Variants in KIF5A observed in about 807,000 individuals in gnomAD.
KIF5A encodes kinesin family member 5A, also known as kinesin heavy chain isoform 5A.
In KIF5A, 35 loss-of-function variants were observed where a neutral mutation model predicts 141.3. The ratio of observed to expected loss-of-function variants is 0.25; its 90% confidence interval spans 0.19 to 0.33. The LOEUF is 0.33. Among genes scored for constraint, KIF5A ranks in the 10% least tolerant of loss-of-function variants. KIF5A has a pLI of 1.00. For missense variants in KIF5A, 861 were observed against 1,314.3 expected, an observed-to-expected ratio of 0.66 and a Z score of 5.33; for synonymous variants, 448 against 500.2, an observed-to-expected ratio of 0.90 and a Z score of 1.39.
Position 57,572,508 on chromosome 12 carries a change from A to C in KIF5A, c.1570-72A>C. On this transcript the variant is annotated intron_variant, in intron 14 of 28. Coordinates refer to ENST00000455537, the MANE Select transcript of KIF5A (RefSeq NM_004984.4). The surrounding 1 kb of genome is among the most constrained non-coding windows in gnomAD (Gnocchi z 4.2). Reference sequence around the variant, plus strand: ...AGCCCTCAGGGTCTTGCATGAAGGGAGAGGCCTCTGCCTGGGCTGGGCAAG... The same window carrying C: ...AGCCCTCAGGGTCTTGCATGAAGGGCGAGGCCTCTGCCTGGGCTGGGCAAG... The C allele has an allele frequency of 6.3e-7, 1 of 1,594,306 alleles. No individual in the cohort carries two copies. The highest frequency in any genetic ancestry group is 8.6e-7 in the Non-Finnish European group (1 of 1,164,792).
intron 13 of KIF5A, 103 bp downstream of exon 13, chr12:57,571,492 G>C: frequency 8.5e-7 from 1 of 1,170,054 alleles, no homozygotes; most frequent in South Asian, 1.3e-5. Flanking sequence ...GGCGCTTTCT[G>C]CTTGGGGATT....
At position 57,572,665 on chromosome 12, in the gene KIF5A, AC is replaced by A; in HGVS notation, c.1656del (p.Asn552LysfsTer3). 1 of 1,614,230 alleles carries A rather than the reference AC, an allele frequency of 6.2e-7. No individual in the cohort carries two copies. The highest frequency in any genetic ancestry group is 8.5e-7 in the Non-Finnish European group (1 of 1,180,038). On this transcript the variant is annotated frameshift_variant, in exon 15 of 29. Transcript: ENST00000455537. LOFTEE classifies it high-confidence loss of function. The surrounding 1 kb of genome is among the most constrained non-coding windows in gnomAD (Gnocchi z 4.2). ...HQRKRIAEVL[N>X]GLMKDLSEFS... is the part of the protein sequence containing the mutation. ...CGAAAACGAATTGCTGAGGTGCTGAACGGGCTGATGAAGGATCTGAGCGAGT... is the reference window on the plus strand; with the variant it reads ...CGAAAACGAATTGCTGAGGTGCTGAAGGGCTGATGAAGGATCTGAGCGAGT...
At chr12:57,567,418 G>A (rs1882099006) in intron 7 of KIF5A, 76 bp from the exon 8 acceptor site, 2 of 1,585,500 alleles carry the variant, frequency 1.3e-6, no homozygotes, top group African/African-American at 1.3e-5. Flanking sequence ...GCGGGGCTGG[G>A]GTCAGTGGAA....
At chr12:57,565,749 C>T (rs1186100482) in intron 6 of KIF5A, among the ~76,000 whole-genome samples, 2 of 150,840 alleles carry the variant, frequency 1.3e-5, no homozygotes, top group African/African-American at 2.4e-5. Context: ...GTCAGGCTCC[C>T]GAGTAGCTGG....
intron 27 of KIF5A, 109 bp from the exon 28 acceptor site, chr12:57,582,992 A>G: frequency 2.2e-6 from 2 of 892,784 alleles, no homozygotes; most frequent in South Asian, 1.4e-5. Flanking sequence ...AAACACAAAT[A>G]GTCCCTGCCG....
rs1882700632 is a variant in KIF5A, at chr12:57,584,519, G to A, written c.*338G>A. 1.3e-5 allele frequency: 2 copies of A among 152,662 alleles called. No homozygotes were observed. The highest frequency in any genetic ancestry group is 4.1e-4 in the South Asian group (2 of 4,832). The allele number at this position is 152,662 out of a possible 1,614,324, so 9.5% of individuals were successfully genotyped here. ...TTCTCATCTACTCGTCTCACACTGA[G>A]TGGTGTTAGTCACTGAGTAGAGGTC... On this transcript the variant is annotated 3_prime_UTR_variant, in exon 29 of 29. Transcript: ENST00000455537.
rs1158874249 is a variant in KIF5A at position 57,550,802 on chromosome 12, A to C, written c.129+402A>C. On this transcript the variant is annotated intron_variant, in intron 1 of 28. Coordinates refer to ENST00000455537, the MANE Select transcript of KIF5A (RefSeq NM_004984.4). This position sits in a 1 kb window ranked among gnomAD's most constrained non-coding sequence, Gnocchi z 4.6. ...CCCACCTCCCGGAAGGTAAGGCGGAAGACTTTTGGGTGGATTAGATGGGAG... is the reference window on the plus strand; with the variant it reads ...CCCACCTCCCGGAAGGTAAGGCGGACGACTTTTGGGTGGATTAGATGGGAG... Among the ~76,000 whole-genome samples, 2 of 152,174 alleles carry C rather than the reference A, an allele frequency of 1.3e-5. No individual in the cohort carries two copies. The highest frequency in any genetic ancestry group is 2.9e-5 in the Non-Finnish European group (2 of 68,022).
At position 57,571,398 on chromosome 12, in the gene KIF5A, A is replaced by T. The variant is rs1293931298; in HGVS notation, c.1362+9A>T. ...TGCTGGACCAGGAAGAGGTAATAGG[A>T]GGGAGGGCAGGACATGAGAGGAAAG... On this transcript the variant is annotated intron_variant, in intron 13 of 28. Transcript: ENST00000455537. 9 of 1,613,300 alleles carry T rather than the reference A, an allele frequency of 5.6e-6. No homozygotes were observed.
intron 1 of KIF5A, among the ~76,000 whole-genome samples, chr12:57,556,057 C>T (rs766201922): frequency 6.6e-6 from 1 of 152,012 alleles, no homozygotes; most frequent in African/African-American, 2.4e-5. Context: ...GCAGGCCTTC[C>T]CAGAACTCCT....
intron 1 of KIF5A, among the ~76,000 whole-genome samples, chr12:57,557,514 A>G (rs1881782078): frequency 6.6e-6 from 1 of 152,120 alleles, no homozygotes; most frequent in African/African-American, 2.4e-5. Flanking sequence ...TTACCACCCC[A>G]AAGAAGCACT....
At chr12:57,566,485 A>C (rs1288179869) in intron 6 of KIF5A, among the ~76,000 whole-genome samples, 1 of 150,078 alleles carries the variant, frequency 6.7e-6, no homozygotes, top group East Asian at 2.0e-4. Flanking sequence ...ATCTTGGCTT[A>C]CTGCAACCTC....
chr12:57,567,430 C>T (rs1882099563), intron 7 of KIF5A, 64 bp from the exon 8 acceptor site: 1 of 1,601,900 alleles, frequency 6.2e-7, no homozygotes, highest in African/African-American at 1.3e-5. Flanking sequence ...TCAGTGGAAG[C>T]CGGGGGCTGA....
intron 23 of KIF5A, among the ~76,000 whole-genome samples, chr12:57,579,849 C>G (rs747892861): frequency 6.6e-6 from 1 of 152,172 alleles, no homozygotes; most frequent in South Asian, 2.1e-4. Flanking sequence ...CACAACCACA[C>G]ACTGTTTCCT....
intron 1 of KIF5A, among the ~76,000 whole-genome samples, chr12:57,555,908 C>CAAAAAAAAAAAAAAAAAAAAAA (rs763843453): frequency 1.1e-5 from 1 of 92,314 alleles, no homozygotes; most frequent in African/African-American, 4.2e-5. Flanking sequence ...AACTCTATCT[C>CAAAAAAAAAAAAAAAAAAAAAA]AAAAAAAAAA....
At chr12:57,578,824 G>A (rs976781909) in intron 23 of KIF5A, among the ~76,000 whole-genome samples, 1 of 152,148 alleles carries the variant, frequency 6.6e-6, no homozygotes, top group African/African-American at 2.4e-5. Context: ...AGCGCTTCAG[G>A]AAGCCGAGGC....
At chr12:57,574,888 T>C (rs1448404555) in intron 15 of KIF5A, among the ~76,000 whole-genome samples, 196 bp from the exon 16 acceptor site, 3 of 152,110 alleles carry the variant, frequency 2.0e-5, no homozygotes, top group Non-Finnish European at 2.9e-5. Flanking sequence ...CCAGCCAGAA[T>C]TGGATTTTTA....
intron 1 of KIF5A, among the ~76,000 whole-genome samples, chr12:57,556,650 G>A (rs965114467): frequency 6.6e-6 from 1 of 151,440 alleles, no homozygotes; most frequent in South Asian, 2.1e-4. Context: ...GAGTGTGTGT[G>A]GGGGCTGGGG....
chr12:57,557,328 G>T (rs958904098), intron 1 of KIF5A, among the ~76,000 whole-genome samples: 3 of 151,870 alleles, frequency 2.0e-5, no homozygotes, highest in African/African-American at 7.3e-5. Context: ...TGGCCACTGG[G>T]TGGGAGAAAC....
chr12:57,581,464 C>T lies in KIF5A; in HGVS notation c.2805C>T (p.Pro935=). The change falls in exon 25 of 29, where the codon CCC becomes CCT. Residue 935 remains proline (P), a synonymous_variant. Transcript: ENST00000455537. ...GHYPASSPTN[P]YGTRSPECIS... is the part of the protein sequence containing the mutation. ...ACCCAGCATCCTCACCCACCAACCCCTATGGCACCCGGAGCCCTGAGTGCA... is the reference window on the plus strand; with the variant it reads ...ACCCAGCATCCTCACCCACCAACCCTTATGGCACCCGGAGCCCTGAGTGCA... 3 of 1,614,114 alleles carry T rather than the reference C, an allele frequency of 1.9e-6. No individual in the cohort carries two copies. The highest frequency in any genetic ancestry group is 2.5e-6 in the Non-Finnish European group (3 of 1,180,018).
Sources: allele counts gnomAD v4.1 joint callset (sites outside exome capture counted in the v4.1 genomes callset), GRCh38; gene constraint gnomAD v4.1.1; non-coding constraint Gnocchi (gnomAD v3.1); transcripts MANE v1.5; gene names NCBI Gene and HGNC (gene_info 2026-07-23, HGNC 2026-07-21).